The following CCNY variants were observed in gnomAD, a reference collection of about 807,000 sequenced individuals.
CCNY encodes the protein cyclin Y, also known as cyclin-Y.
A neutral mutation model predicts 42.8 loss-of-function variants in CCNY; 19 were observed. That is an observed-to-expected ratio of 0.44 (90% CI 0.31 to 0.65). The LOEUF (loss-of-function observed/expected upper bound fraction) is 0.65. Among genes scored for constraint, CCNY ranks in the 30% least tolerant of loss-of-function variants. The pLI, the probability that CCNY is intolerant of heterozygous loss-of-function variation, is 0.07. For synonymous variants in CCNY, 165 were observed against 162.7 expected (o/e 1.01, Z -0.11); for missense variants, 370 against 437.3 (o/e 0.85, Z 1.37).
chr10:35,338,390 G>A (rs1210034671), intron 1 of CCNY, among the ~76,000 whole-genome samples: 1 of 152,188 alleles, frequency 6.6e-6, no homozygotes, highest in Non-Finnish European at 1.5e-5. Context: ...ACAACGTCTG[G>A]TTTCTAGTAC....
At chr10:35,556,246 C>G (rs1159961695) in intron 8 of CCNY, among the ~76,000 whole-genome samples, 1 of 152,134 alleles carries the variant, frequency 6.6e-6, no homozygotes, top group African/African-American at 2.4e-5. Context: ...ATAAATAGTT[C>G]TCCTGAAGAA....
At chr10:35,391,326 C>T (rs1268999861) in intron 1 of CCNY, among the ~76,000 whole-genome samples, 1 of 151,962 alleles carries the variant, frequency 6.6e-6, no homozygotes, top group African/African-American at 2.4e-5. Flanking sequence ...GGCAGAGTGG[C>T]GGGGTGAGTA....
intron 1 of CCNY, among the ~76,000 whole-genome samples, chr10:35,398,270 C>T (rs1415060503): frequency 6.6e-6 from 1 of 152,232 alleles, no homozygotes; most frequent in Non-Finnish European, 1.5e-5. Flanking sequence ...TTGTGATCCT[C>T]TCAGAGGACT....
At chr10:35,290,511 T>A (rs1005967135) in intron 3 of CCNY, among the ~76,000 whole-genome samples, 3 of 152,220 alleles carry the variant, frequency 2.0e-5, no homozygotes, top group Non-Finnish European at 4.4e-5. Flanking sequence ...TGTGCTAAAT[T>A]TCGTTGATTT....
chr10:35,359,524 A>G (rs1392904947), intron 1 of CCNY, among the ~76,000 whole-genome samples: 2 of 151,398 alleles, frequency 1.3e-5, no homozygotes, highest in African/African-American at 4.9e-5. Flanking sequence ...TTTTTTTTGT[A>G]GAGGCAGGGT....
intron 1 of CCNY, among the ~76,000 whole-genome samples, chr10:35,364,236 A>C (rs1254585542): frequency 6.6e-6 from 1 of 152,110 alleles, no homozygotes; most frequent in African/African-American, 2.4e-5. Context: ...TAGCCCTTTC[A>C]CCCGTAATTC....
intron 1 of CCNY, among the ~76,000 whole-genome samples, chr10:35,445,701 G>A (rs1838777081): frequency 6.6e-6 from 1 of 151,974 alleles, no homozygotes; most frequent in Admixed American, 6.6e-5. Context: ...AGGGAAGGAG[G>A]GGTGGAGCAT....
At chr10:35,290,513 C>T (rs1049600531) in intron 3 of CCNY, among the ~76,000 whole-genome samples, 9 of 151,652 alleles carry the variant, frequency 5.9e-5, no homozygotes, top group Admixed American at 1.3e-4. Flanking sequence ...TGCTAAATTT[C>T]GTTGATTTAT....
chr10:35,334,145 T>A (rs1255907435), upstream of CCNY, among the ~76,000 whole-genome samples: 1 of 152,050 alleles, frequency 6.6e-6, no homozygotes, highest in African/African-American at 2.4e-5. Context: ...CAGATGCTCT[T>A]CCCAGTTAAC....
chr10:35,319,510 A>G lies in CCNY; in HGVS notation c.-9+68884A>G, dbSNP rs1835797600. On this transcript the variant is annotated intron_variant, in intron 3 of 11. Coordinates refer to the CCNY transcript ENST00000374706. ...AAACAAAAAAAGATTATAATTATGT[A>G]AATAAATTCAATGGCATAGATAAAA... 2.0e-5 allele frequency among the ~76,000 whole-genome samples: 3 copies of G among 152,378 alleles called. No homozygotes were observed. In the South Asian group the frequency reaches 6.2e-4, roughly 32 times the overall value.
chr10:35,346,465 T>C (rs953976030), intron 1 of CCNY, among the ~76,000 whole-genome samples: 24 of 152,242 alleles, frequency 1.6e-4, no homozygotes, highest in Non-Finnish European at 7.3e-5. Flanking sequence ...AGATTTTGCC[T>C]GTAAAGTCTC....
rs2135360690 is a variant in CCNY at position 35,479,606 on chromosome 10, T to TGGGGTGG, written c.155-3793_155-3787dup. On this transcript the variant is annotated intron_variant, in intron 1 of 9. Coordinates refer to ENST00000374704, the MANE Select transcript of CCNY (RefSeq NM_145012.6). Reference sequence around the variant, plus strand: ...GAACATCACACTCTGGGGACTGTTGTGGGGTGGGGGGAGGGGGGGGAGGGA... The same window carrying TGGGGTGG: ...GAACATCACACTCTGGGGACTGTTGTGGGGTGGGGGGTGGGGGGAGGGGGGGGAGGGA... Among the ~76,000 whole-genome samples, 2 of 48,070 alleles carry TGGGGTGG rather than the reference T, an allele frequency of 4.2e-5. 1 individual carries two copies. The highest frequency in any genetic ancestry group is 1.3e-3 in the South Asian group (2 of 1,524). 31.5% of individuals were successfully genotyped at this position (48,070 alleles called of 152,430 possible). A position where few individuals can be genotyped will look rare whatever the true frequency, so the allele number is the denominator to read the frequency against.
At chr10:35,499,356 A>C (rs1589161725) in intron 2 of CCNY, among the ~76,000 whole-genome samples, 1 of 152,138 alleles carries the variant, frequency 6.6e-6, no homozygotes, top group African/African-American at 2.4e-5. Context: ...ATCAGATCTC[A>C]TGAGACTTAT....
rs186587372 is a variant in CCNY at position 35,261,387 on chromosome 10, G to A, written c.-9+10761G>A. Among the ~76,000 whole-genome samples, 1,232 of 151,908 alleles carry A rather than the reference G, an allele frequency of 8.1e-3. 18 individuals carry two copies. The highest frequency in any genetic ancestry group is 0.03 in the Admixed American group (450 of 15,250). ...CAAGAAGCTGAGATTACAGGCGTAT[G>A]CTAACACTCTTGGCTAATTTTTGTA... On this transcript the variant is annotated intron_variant, in intron 3 of 11. Coordinates refer to the CCNY transcript ENST00000374706.
intron 3 of CCNY, among the ~76,000 whole-genome samples, chr10:35,286,432 C>T (rs1230415010): frequency 6.6e-6 from 1 of 150,982 alleles, no homozygotes; most frequent in Non-Finnish European, 1.5e-5. Flanking sequence ...GATTGTGGCT[C>T]ACTGCAACCT....
intron 7 of CCNY, among the ~76,000 whole-genome samples, chr10:35,545,480 A>G (rs1233936641): frequency 6.6e-6 from 1 of 152,214 alleles, no homozygotes; most frequent in Non-Finnish European, 1.5e-5. Context: ...ATGCTCACGC[A>G]GCGTTCTCCT....
chr10:35,532,776 A>G (rs1179935271), intron 7 of CCNY, among the ~76,000 whole-genome samples: 1 of 152,122 alleles, frequency 6.6e-6, no homozygotes, highest in Admixed American at 6.5e-5. Context: ...CTCAGGAGTC[A>G]CCCAAGCTGA....
chr10:35,540,404 C>T (rs1359849914), intron 7 of CCNY, among the ~76,000 whole-genome samples: 1 of 152,174 alleles, frequency 6.6e-6, no homozygotes, highest in Non-Finnish European at 1.5e-5. Flanking sequence ...CCCAGTTGGT[C>T]ACAGTGTATA....
At chr10:35,340,343 A>G (rs1836148623) in intron 1 of CCNY, among the ~76,000 whole-genome samples, 1 of 152,148 alleles carries the variant, frequency 6.6e-6, no homozygotes, top group Non-Finnish European at 1.5e-5. Flanking sequence ...TATTCAGTCC[A>G]GACTTCCAGG....
Sources: gnomAD v4.1 joint callset for allele counts (sites outside exome capture counted in the v4.1 genomes callset) on GRCh38, gnomAD v4.1.1 for gene constraint, MANE v1.5 for transcripts, NCBI Gene and HGNC (gene_info 2026-07-23, HGNC 2026-07-21) for gene names.